Variants in KIAA1217 observed in about 807,000 individuals in gnomAD.
The protein encoded by KIAA1217 is KIAA1217.
In KIAA1217, 88 loss-of-function variants were observed where a neutral mutation model predicts 163.9. The observed-to-expected ratio is 0.54, with a 90% confidence interval of 0.45 to 0.64. The LOEUF (loss-of-function observed/expected upper bound fraction) is 0.64. KIAA1217 is among the 30% of genes least tolerant of loss of function. KIAA1217 has a pLI of 0.00. For synonymous variants in KIAA1217, 903 were observed against 923.1 expected, an observed-to-expected ratio of 0.98 and a Z score of 0.39; for missense variants, 2,372 against 2,475.0, an observed-to-expected ratio of 0.96 and a Z score of 0.88.
rs763019275 is a variant in KIAA1217, at chr10:24,417,057, G to A, written c.554-15938G>A. Among the ~76,000 whole-genome samples, 17 of 152,260 alleles carry A rather than the reference G, an allele frequency of 1.1e-4. 1 individual carries two copies. Among genetic ancestry groups the A allele is most frequent in the Admixed American group, 3.3e-4 (5 of 15,298 alleles). ...ATTTCTATGAGAGCTGGCAATGGAT[G>A]GATTAGGTTCCTTTATGTTTTCAGG... On this transcript the variant is annotated intron_variant, in intron 3 of 20. Transcript: ENST00000376454.
At chr10:24,200,488 A>C (rs2067205153) in intron 2 of KIAA1217, among the ~76,000 whole-genome samples, 1 of 151,984 alleles carries the variant, frequency 6.6e-6, no homozygotes, top group Non-Finnish European at 1.5e-5. Flanking sequence ...CCACCTGGCT[A>C]TGCTTGCTGT....
At chr10:23,982,772 C>G (rs1845826156) in intron 1 of KIAA1217, among the ~76,000 whole-genome samples, 1 of 152,014 alleles carries the variant, frequency 6.6e-6, no homozygotes, top group Non-Finnish European at 1.5e-5. Context: ...GCAGGTTGGC[C>G]AGGCTGGTCT....
At chr10:24,243,495 G>A (rs56211584) in intron 2 of KIAA1217, among the ~76,000 whole-genome samples, 35 of 149,924 alleles carry the variant, frequency 2.3e-4, no homozygotes, top group African/African-American at 8.1e-4. Context: ...TTTAACTCCC[G>A]CTTAATAAGT....
chr10:24,545,323 A>G, intron 20 of KIAA1217: 1 of 1,397,408 alleles, frequency 7.2e-7, no homozygotes, highest in Middle Eastern at 2.6e-4. Flanking sequence ...GTGACTCCAA[A>G]CTCCAAATTT....
At chr10:24,045,917 G>A (rs372985141) in intron 2 of KIAA1217, among the ~76,000 whole-genome samples, 4 of 152,022 alleles carry the variant, frequency 2.6e-5, no homozygotes, top group South Asian at 2.1e-4. Flanking sequence ...CACCTATGGA[G>A]AATTTTTTCA....
Position 24,524,394 on chromosome 10 carries a change from C to T in KIAA1217, c.2528C>T (p.Ala843Val), listed in dbSNP as rs1407307813. ...QAAQYMAMEKATAAEVLKSQE... is the reference protein window; with the variant it reads ...QAAQYMAMEKVTAAEVLKSQE... ...GCACAGTACATGGCTATGGAAAAGG[C>T]CACAGCCGCAGAAGTCCTGAAGAGT... The change falls in exon 13 of 21, where the codon GCC becomes GTC. Residue 843 changes from alanine to valine, a missense_variant. Physicochemically the swap from Ala to Val is moderately conservative, Grantham distance 64 (BLOSUM62 0). Around this residue, in one of 3 missense-constraint regions of KIAA1217, gnomAD observed 1,431 missense variants for 1,470.3 expected, o/e 0.97. Transcript: ENST00000376454. 6.2e-7 allele frequency: 1 copy of T among 1,614,204 alleles called. No homozygotes were observed.
intron 1 of KIAA1217, among the ~76,000 whole-genome samples, chr10:23,730,420 T>A (rs542881125): frequency 6.6e-6 from 1 of 152,328 alleles, no homozygotes; most frequent in East Asian, 1.9e-4. Context: ...TACTGTAACA[T>A]TCCAGTAAGC....
intron 2 of KIAA1217, among the ~76,000 whole-genome samples, chr10:24,267,258 A>G (rs1564372647): frequency 6.6e-6 from 1 of 152,188 alleles, no homozygotes; most frequent in Non-Finnish European, 1.5e-5. Context: ...TGGGAAGATG[A>G]AGACTTATAA....
At chr10:24,448,687 C>T (rs2061161211) in intron 5 of KIAA1217, among the ~76,000 whole-genome samples, 1 of 152,324 alleles carries the variant, frequency 6.6e-6, no homozygotes, top group South Asian at 2.1e-4. Context: ...GTGCCTGGCC[C>T]CTTGCTTTTA....
intron 6 of KIAA1217, among the ~76,000 whole-genome samples, chr10:24,492,576 G>A (rs549584178): frequency 6.6e-6 from 1 of 152,158 alleles, no homozygotes; most frequent in South Asian, 2.1e-4. Context: ...CAGACTGCAT[G>A]ACTTATATGC....
intron 2 of KIAA1217, among the ~76,000 whole-genome samples, chr10:24,278,551 C>G (rs1362481020): frequency 6.6e-6 from 1 of 152,148 alleles, no homozygotes; most frequent in Non-Finnish European, 1.5e-5. Flanking sequence ...AGTGGCAAGT[C>G]CCTTGTATTG....
At chr10:23,810,348 A>G (rs866299706) in intron 1 of KIAA1217, among the ~76,000 whole-genome samples, 1 of 146,700 alleles carries the variant, frequency 6.8e-6, no homozygotes, top group Non-Finnish European at 1.5e-5. Context: ...TATATACTAT[A>G]TATAGATTAT....
At chr10:23,723,038 G>A (rs1041925408) in intron 1 of KIAA1217, among the ~76,000 whole-genome samples, 1 of 152,068 alleles carries the variant, frequency 6.6e-6, no homozygotes, top group Non-Finnish European at 1.5e-5. Context: ...GTTTCATCAC[G>A]CACCTCATTG....
At chr10:24,391,772 C>T (rs963224228) in intron 3 of KIAA1217, among the ~76,000 whole-genome samples, 6 of 152,176 alleles carry the variant, frequency 3.9e-5, no homozygotes, top group Non-Finnish European at 5.9e-5. Context: ...GGTTAAGTAA[C>T]TGGAAAGGTA....
intron 2 of KIAA1217, among the ~76,000 whole-genome samples, chr10:24,034,694 C>T (rs1383425150): frequency 6.6e-6 from 1 of 152,188 alleles, no homozygotes; most frequent in Non-Finnish European, 1.5e-5. Context: ...CCAGCAGACA[C>T]TGTGCTCTGG....
At chr10:24,139,585 C>T (rs1398995252) in intron 2 of KIAA1217, among the ~76,000 whole-genome samples, 1 of 152,122 alleles carries the variant, frequency 6.6e-6, no homozygotes, top group African/African-American at 2.4e-5. Flanking sequence ...ATGGTCTACC[C>T]AGTCTAATAT....
At chr10:23,954,804 G>T (rs1589137550) in intron 1 of KIAA1217, among the ~76,000 whole-genome samples, 1 of 152,174 alleles carries the variant, frequency 6.6e-6, no homozygotes, top group African/African-American at 2.4e-5. Context: ...AGTCTCAGAA[G>T]GGCTGAGTAA....
intron 1 of KIAA1217, among the ~76,000 whole-genome samples, chr10:23,836,852 GC>G (rs1838480230): frequency 6.7e-6 from 1 of 149,460 alleles, no homozygotes; most frequent in African/African-American, 2.5e-5. Context: ...GATTGCTTGA[GC>G]CTGGGATGTC....
Position 24,166,074 on chromosome 10 carries a change from G to A in KIAA1217, c.-170-53552G>A, listed in dbSNP as rs556576827. On this transcript the variant is annotated intron_variant, in intron 2 of 18. Coordinates refer to the KIAA1217 transcript ENST00000376462. ...AGGATTAAAAACTTATTTTTTGAAA[G>A]TCATTTTTCTGCAGCTTCAAAGGAC... Among the ~76,000 whole-genome samples, 15 of 152,022 alleles carry A rather than the reference G, an allele frequency of 9.9e-5. No homozygotes were observed. The East Asian group carries it at 1.9e-3, about 20-fold the overall frequency.
Sources: gnomAD v4.1 joint callset for allele counts (sites outside exome capture counted in the v4.1 genomes callset) on GRCh38, gnomAD v4.1.1 for gene constraint, gnomAD v4.1.1 regional missense constraint, MANE v1.5 for transcripts, NCBI Gene and HGNC (gene_info 2026-07-23, HGNC 2026-07-21) for gene names.